The following RGS7 variants were observed in gnomAD, a reference collection of about 807,000 sequenced individuals.
The protein encoded by RGS7 is regulator of G-protein signaling 7.
Under a neutral mutation model 81.1 loss-of-function variants are expected in RGS7, and 27 were observed. That is an observed-to-expected ratio of 0.33 (90% CI 0.25 to 0.46). The LOEUF (loss-of-function observed/expected upper bound fraction) is 0.46, where lower values mean the gene tolerates loss of function less well. Ranked by LOEUF, RGS7 falls within the 20% of genes least tolerant of loss-of-function variation. The pLI is 1.00. For synonymous variants in RGS7, 208 were observed against 207.7 expected, an observed-to-expected ratio of 1.00 and a Z score of -0.01; for missense variants, 396 against 607.4, an observed-to-expected ratio of 0.65 and a Z score of 3.66.
At chr1:241,036,568 T>C (rs541465640) in intron 3 of RGS7, among the ~76,000 whole-genome samples, 1 of 152,338 alleles carries the variant, frequency 6.6e-6, no homozygotes, top group African/African-American at 2.4e-5. Flanking sequence ...TGCTTCTCAT[T>C]CTAAAAATAC....
chr1:241,295,182 C>T (rs958176675), intron 2 of RGS7, among the ~76,000 whole-genome samples: 13 of 152,222 alleles, frequency 8.5e-5, no homozygotes, highest in African/African-American at 1.9e-4. Flanking sequence ...GGTGCGGTGG[C>T]TCACGCCTGT....
At chr1:241,083,993 T>A (rs889499426) in intron 3 of RGS7, among the ~76,000 whole-genome samples, 1 of 152,216 alleles carries the variant, frequency 6.6e-6, no homozygotes, top group African/African-American at 2.4e-5. Context: ...TTACTTATTC[T>A]TATCTTCTTC....
rs1018476186 is a variant in RGS7 at position 240,806,289 on chromosome 1, T to C, written c.1120A>G (p.Ile374Val). The C allele has an allele frequency of 1.9e-6, 3 of 1,614,026 alleles. No homozygotes were observed. Among genetic ancestry groups the C allele is most frequent in the Non-Finnish European group, 2.5e-6 (3 of 1,179,954 alleles). Residue 374 changes from isoleucine (I) to valine (V), a missense_variant, in exon 15 of 19, where the codon ATT becomes GTT. By Grantham distance (29) the Ile-to-Val change is conservative. Transcript: ENST00000440928. ...LAVEDLKKRP[I>V]KEVPSRVQEI... ...TGAACTCTTGAGGGTACTTCTTTAA[T>C]AGGCCTCTTTTTCAGGTCCTCCACT...
At chr1:240,934,396 A>G (rs78749448) in intron 5 of RGS7, among the ~76,000 whole-genome samples, 7,645 of 152,284 alleles carry the variant, frequency 0.05, 209 homozygotes, top group African/African-American at 0.069. Flanking sequence ...GTAATAAAGA[A>G]CTTTCGCTGC....
chr1:240,971,591 T>C (rs1340687934), intron 4 of RGS7, among the ~76,000 whole-genome samples: 1 of 152,228 alleles, frequency 6.6e-6, no homozygotes, highest in Non-Finnish European at 1.5e-5. Context: ...TGTTTGTTCC[T>C]TAAGCATTAT....
intron 2 of RGS7, among the ~76,000 whole-genome samples, chr1:241,239,303 A>G (rs142220229): frequency 1.9e-3 from 288 of 152,116 alleles, no homozygotes; most frequent in African/African-American, 6.5e-3. Flanking sequence ...ATTGCCATGC[A>G]TTGGTTCCCT....
intron 2 of RGS7, among the ~76,000 whole-genome samples, chr1:241,186,835 T>A (rs2072168591): frequency 6.6e-6 from 1 of 152,080 alleles, no homozygotes; most frequent in Admixed American, 6.6e-5. Context: ...CCATCTAACA[T>A]AATTCTTATC....
rs560615549 is a variant in RGS7, at chr1:241,004,337, C to T, written c.176-21208G>A. Among the ~76,000 whole-genome samples, 9 of 152,066 alleles carry T rather than the reference C, an allele frequency of 5.9e-5. No homozygotes were observed. The South Asian group carries it at 1.2e-3, about 21-fold the overall frequency. The stretch of plus-strand genomic sequence containing the variant: ...TCATTCCACAATAATGAGTATACAT[C>T]GTGTAATAATGGGGATACTGGCACT... On this transcript the variant is annotated intron_variant, in intron 3 of 18. Transcript: ENST00000440928.
At chr1:240,888,474 C>A (rs193175377) in intron 6 of RGS7, among the ~76,000 whole-genome samples, 1 of 152,212 alleles carries the variant, frequency 6.6e-6, no homozygotes, top group Admixed American at 6.5e-5. Context: ...ACCTTGTGCC[C>A]GGCTTTTCCT....
intron 4 of RGS7, among the ~76,000 whole-genome samples, chr1:240,950,189 G>A (rs1679328599): frequency 6.6e-6 from 1 of 152,160 alleles, no homozygotes; most frequent in African/African-American, 2.4e-5. Flanking sequence ...GGGGCTCATA[G>A]TGTTGGTGGG....
Position 240,868,112 on chromosome 1 carries a change from GAAAAGGAAAGAAAGAAA to G in RGS7, c.609+458_609+474del, listed in dbSNP as rs1350136838. ...AGAAAGAAAAGAAAAAGAAAGAAAA[GAAAAGGAAAGAAAGAAA>G]GAAAGAAAGAAAGAAAGAAAGAAAG... On this transcript the variant is annotated intron_variant, in intron 9 of 18. Coordinates refer to ENST00000440928, the MANE Select transcript of RGS7 (RefSeq NM_001364886.1). This position sits in a 1 kb window ranked among gnomAD's most constrained non-coding sequence, Gnocchi z 5.1. Among the ~76,000 whole-genome samples the G allele has an allele frequency of 2.5e-4, 24 of 97,818 alleles. No homozygotes were observed. Among genetic ancestry groups the G allele is most frequent in the African/African-American group, 8.6e-4 (23 of 26,624 alleles). The allele number at this position is 97,818 out of a possible 152,430, so 64.2% of individuals were successfully genotyped here.
intron 2 of RGS7, among the ~76,000 whole-genome samples, chr1:241,329,681 T>G (rs141758774): frequency 6.6e-6 from 1 of 152,272 alleles, no homozygotes; most frequent in East Asian, 1.9e-4. Context: ...CAGGTTCTCT[T>G]GGGTCCTTAA....
intron 3 of RGS7, among the ~76,000 whole-genome samples, chr1:241,051,530 ATCTC>A (rs751313029): frequency 2.6e-5 from 4 of 151,998 alleles, no homozygotes; most frequent in Non-Finnish European, 5.9e-5. Flanking sequence ...TGGTCAAAGA[ATCTC>A]TCTCTCTTTC....
chr1:240,977,395 A>ATG (rs760373215), intron 4 of RGS7, among the ~76,000 whole-genome samples: 3 of 144,142 alleles, frequency 2.1e-5, no homozygotes, highest in Admixed American at 6.7e-5. Flanking sequence ...ATACACACAT[A>ATG]TGTGTGTGTG....
rs181154243 is a variant in RGS7, at chr1:240,938,490, C to T, written c.227-1784G>A. Among the ~76,000 whole-genome samples, 351 of 152,266 alleles carry T rather than the reference C, an allele frequency of 2.3e-3. 2 individuals carry two copies. Among genetic ancestry groups the T allele is most frequent in the African/African-American group, 7.6e-3 (314 of 41,564 alleles). On this transcript the variant is annotated intron_variant, in intron 4 of 18. Transcript: ENST00000440928. ...AGTAGCTAGCTATGGTACAGCAAAG[C>T]ATAAGAATCCCATCCTTTTACCCCT...
intron 2 of RGS7, among the ~76,000 whole-genome samples, chr1:241,149,834 G>T (rs1214803181): frequency 1.3e-5 from 2 of 152,102 alleles, no homozygotes; most frequent in Admixed American, 6.6e-5. Context: ...GGAGTGTAGT[G>T]GTGGGATCTC....
Position 240,932,992 on chromosome 1 carries a change from T to A in RGS7, c.334-2224A>T, listed in dbSNP as rs1412682840. Reference sequence around the variant, plus strand: ...TCCGCCTCCCGGGTTCACGCCATTCTCCTGCCTCAGCCTCCCGAGTAGCTG... The same window carrying A: ...TCCGCCTCCCGGGTTCACGCCATTCACCTGCCTCAGCCTCCCGAGTAGCTG... On this transcript the variant is annotated intron_variant, in intron 5 of 18. Transcript: ENST00000440928. Among the ~76,000 whole-genome samples the A allele has an allele frequency of 1.8e-4, 25 of 142,514 alleles. No individual in the cohort carries two copies. In the South Asian group the frequency reaches 5.6e-3, roughly 32 times the overall value. The allele number at this position is 142,514 out of a possible 152,430, so 93.5% of individuals were successfully genotyped here. A position where few individuals can be genotyped will look rare whatever the true frequency, so the allele number is the denominator to read the frequency against.
intron 2 of RGS7, among the ~76,000 whole-genome samples, chr1:241,151,975 C>G (rs1282241601): frequency 6.6e-6 from 1 of 152,028 alleles, no homozygotes; most frequent in Admixed American, 6.6e-5. Flanking sequence ...GCAAACTATG[C>G]CCATGGTATA....
intron 6 of RGS7, among the ~76,000 whole-genome samples, chr1:240,912,282 A>G (rs1671901178): frequency 6.6e-6 from 1 of 151,850 alleles, no homozygotes; most frequent in African/African-American, 2.4e-5. Context: ...ATGTAGTTGG[A>G]CAAGCAGGAG....
Sources: allele counts gnomAD v4.1 joint callset (sites outside exome capture counted in the v4.1 genomes callset), GRCh38; gene constraint gnomAD v4.1.1; non-coding constraint Gnocchi (gnomAD v3.1); transcripts MANE v1.5; gene names NCBI Gene and HGNC (gene_info 2026-07-23, HGNC 2026-07-21).